The following ABR variants were observed in gnomAD, a reference collection of about 807,000 sequenced individuals.
ABR encodes ABR activator of RhoGEF and GTPase, also known as active breakpoint cluster region-related protein.
Under a neutral mutation model 107.2 loss-of-function variants are expected in ABR, and 35 were observed. The observed-to-expected ratio is 0.33, with a 90% CI of 0.25 to 0.43. The LOEUF is 0.43. Ranked by LOEUF, ABR falls within the 20% of genes least tolerant of loss-of-function variation. The pLI is 1.00. For missense variants in ABR, 815 were observed against 1,115.2 expected, an observed-to-expected ratio of 0.73 and a Z score of 3.83; for synonymous variants, 498 against 462.0, an observed-to-expected ratio of 1.08 and a Z score of -1.00.
intron 1 of ABR, among the ~76,000 whole-genome samples, chr17:1,160,281 ACC>A (rs1491221889): frequency 0.016 from 1,371 of 88,304 alleles, 26 homozygotes; most frequent in African/African-American, 0.056. Flanking sequence ...ACAAAAAAAA[ACC>A]ACACACACAC....
In ABR at chr17:1,125,098, C is replaced by T; in HGVS notation, c.246+85G>A. 8 of 1,410,444 alleles carry T rather than the reference C, an allele frequency of 5.7e-6. 1 individual carries two copies. The highest frequency in any genetic ancestry group is 4.8e-6 in the Non-Finnish European group (5 of 1,043,350). The allele number at this position is 1,410,444 out of a possible 1,614,324, so 87.4% of individuals were successfully genotyped here. A position where few individuals can be genotyped will look rare whatever the true frequency, so the allele number is the denominator to read the frequency against. ...CGTCTCCAGTCCCAATCTCTCGAGACCAACCCAAGCAGGGCCTGGCCCACG... is the reference window on the plus strand; with the variant it reads ...CGTCTCCAGTCCCAATCTCTCGAGATCAACCCAAGCAGGGCCTGGCCCACG... On this transcript the variant is annotated intron_variant, in intron 2 of 22. Coordinates refer to ENST00000302538, the MANE Select transcript of ABR (RefSeq NM_021962.5).
At chr17:1,181,182 GT>G (rs2042122657), upstream of ABR, among the ~76,000 whole-genome samples, 1 of 152,228 alleles carries the variant, frequency 6.6e-6, no homozygotes, top group Non-Finnish European at 1.5e-5. Context: ...GGGTGTGGGG[GT>G]CGGTCCTCAT....
At chr17:1,014,709 G>C (rs929079175) in intron 16 of ABR, among the ~76,000 whole-genome samples, 1 of 151,818 alleles carries the variant, frequency 6.6e-6, no homozygotes, top group Admixed American at 6.6e-5. Flanking sequence ...AGCCGGGCGC[G>C]GTGGTGGGCG....
intron 1 of ABR, among the ~76,000 whole-genome samples, chr17:1,216,435 G>A (rs879918661): frequency 4.6e-5 from 7 of 152,272 alleles, no homozygotes; most frequent in Admixed American, 6.5e-5. Context: ...CTCCTCTCAC[G>A]TCAGAAGTGG....
chr17:1,199,541 C>T (rs1473907374), intron 1 of ABR, among the ~76,000 whole-genome samples: 1 of 151,322 alleles, frequency 6.6e-6, no homozygotes, highest in African/African-American at 2.5e-5. Context: ...CTCCCCCTCC[C>T]GGGTTCAAGC....
Position 1,156,214 on chromosome 17 carries a change from G to A in ABR, c.61+23453C>T, listed in dbSNP as rs556616600. On this transcript the variant is annotated intron_variant, in intron 1 of 22. Transcript: ENST00000302538. The stretch of plus-strand genomic sequence containing the variant: ...GCTGTGGGGAAGAGCCTAGGCCTCC[G>A]GCTGCAGGGGGCTCATGAGGAGCCA... 7 of 152,400 alleles carry A rather than the reference G, an allele frequency of 4.6e-5. 1 individual carries two copies. The highest frequency in any genetic ancestry group is 6.8e-3 in the Middle Eastern group (2 of 296). 9.4% of individuals were successfully genotyped at this position (152,400 alleles called of 1,614,324 possible).
At chr17:1,160,359 CA>C (rs1317804251) in intron 1 of ABR, among the ~76,000 whole-genome samples, 1 of 151,802 alleles carries the variant, frequency 6.6e-6, no homozygotes, top group Non-Finnish European at 1.5e-5. Flanking sequence ...ATTATTTAAG[CA>C]AAGTTCATGA....
At chr17:1,106,192 C>CT (rs2038233087) in intron 2 of ABR, among the ~76,000 whole-genome samples, 1 of 151,560 alleles carries the variant, frequency 6.6e-6, no homozygotes, top group Non-Finnish European at 1.5e-5. Flanking sequence ...TTACCTCTGC[C>CT]CCCCAGGAAG....
chr17:1,027,197 C>A lies in ABR; in HGVS notation c.1792-14033G>T, dbSNP rs1021922134. Among the ~76,000 whole-genome samples the A allele has an allele frequency of 1.4e-4, 21 of 152,220 alleles. No homozygotes were observed. Among genetic ancestry groups the A allele is most frequent in the African/African-American group, 5.1e-4 (21 of 41,448 alleles). ...CCCTTGATTGGCAGGTTCTCCTCTC[C>A]CTGGTCCAGAGCCATCCAAAAGCTG... On this transcript the variant is annotated intron_variant, in intron 16 of 22. Coordinates refer to ENST00000302538, the MANE Select transcript of ABR (RefSeq NM_021962.5). The surrounding 1 kb of genome is among the most constrained non-coding windows in gnomAD (Gnocchi z 4.7).
chr17:1,220,289 TAAA>T (rs201048012), intron 1 of ABR, among the ~76,000 whole-genome samples: 6,763 of 146,306 alleles, frequency 0.046, 215 homozygotes, highest in East Asian at 0.13. Flanking sequence ...AGACTCCGTC[TAAA>T]AAAAAAAAAA....
intron 5 of ABR, among the ~76,000 whole-genome samples, chr17:1,081,061 G>A (rs1437084630): frequency 6.6e-6 from 1 of 152,142 alleles, no homozygotes; most frequent in Non-Finnish European, 1.5e-5. Flanking sequence ...TTTCTGCCTA[G>A]GCACAGAGAA....
At chr17:1,103,783 G>T (rs554208177) in intron 2 of ABR, among the ~76,000 whole-genome samples, 1 of 152,250 alleles carries the variant, frequency 6.6e-6, no homozygotes, top group East Asian at 1.9e-4. Flanking sequence ...AAAGGCGTTG[G>T]AGAGCGTACG....
intron 16 of ABR, among the ~76,000 whole-genome samples, chr17:1,013,407 C>T (rs1489543902): frequency 6.6e-6 from 1 of 152,096 alleles, no homozygotes; most frequent in Non-Finnish European, 1.5e-5. Context: ...GCAGGGCACA[C>T]CCTGTTACCC....
chr17:1,162,202 C>T (rs562296396), intron 1 of ABR, among the ~76,000 whole-genome samples: 4 of 152,362 alleles, frequency 2.6e-5, no homozygotes, highest in Non-Finnish European at 2.9e-5. Flanking sequence ...TTATCCCTTA[C>T]TCTGGCAGAG....
chr17:1,078,947 G>A lies in ABR; in HGVS notation c.700+383C>T, dbSNP rs549700689. 4.2e-5 allele frequency: 64 copies of A among 1,526,818 alleles called. No homozygotes were observed. The highest frequency in any genetic ancestry group is 1.4e-4 in the Admixed American group (7 of 50,348). The allele number at this position is 1,526,818 out of a possible 1,614,324, so 94.6% of individuals were successfully genotyped here. On this transcript the variant is annotated intron_variant, in intron 6 of 22. Coordinates refer to ENST00000302538, the MANE Select transcript of ABR (RefSeq NM_021962.5). The surrounding 1 kb of genome is among the most constrained non-coding windows in gnomAD (Gnocchi z 7.5). ...AGCAGCCCGGCCACTCAGCCACCTT[G>A]CTGATGCTGCCGCACGGACTCCAGC... is the stretch of plus-strand genomic sequence containing the variant.
At chr17:1,036,353 G>T (rs2073176016) in intron 16 of ABR, among the ~76,000 whole-genome samples, 1 of 152,174 alleles carries the variant, frequency 6.6e-6, no homozygotes, top group Non-Finnish European at 1.5e-5. Flanking sequence ...TGAGGATGGG[G>T]ACCGAGGGGA....
At chr17:1,215,920 G>T (rs1182711994) in intron 1 of ABR, among the ~76,000 whole-genome samples, 49 of 139,116 alleles carry the variant, frequency 3.5e-4, no homozygotes, top group Non-Finnish European at 6.4e-4. Context: ...TCCACTCAGG[G>T]TAAATGGATT....
intron 1 of ABR, among the ~76,000 whole-genome samples, chr17:1,135,465 GCTGA>G (rs1175328981): frequency 2.6e-5 from 4 of 151,042 alleles, no homozygotes; most frequent in African/African-American, 4.9e-5. Context: ...TGATACAGAG[GCTGA>G]CTGTTAAGTG....
At position 1,179,778 on chromosome 17, in the gene ABR, A is replaced by G; in HGVS notation, c.-51T>C. 9.5e-6 allele frequency: 7 copies of G among 737,142 alleles called. 1 individual carries two copies. The highest frequency in any genetic ancestry group is 1.5e-5 in the Non-Finnish European group (7 of 473,300). 45.7% of individuals were successfully genotyped at this position (737,142 alleles called of 1,614,324 possible). A position where few individuals can be genotyped will look rare whatever the true frequency, so the allele number is the denominator to read the frequency against. On this transcript the variant is annotated 5_prime_UTR_variant, in exon 1 of 23. Coordinates refer to ENST00000302538, the MANE Select transcript of ABR (RefSeq NM_021962.5). This position sits in a 1 kb window ranked among gnomAD's most constrained non-coding sequence, Gnocchi z 4.9. ...CGAAACCCGACCCTCATCGCGCAAC[A>G]AAGGAGGGAGAGCGGGCGGGAGCCG...
Sources: allele counts gnomAD v4.1 joint callset (sites outside exome capture counted in the v4.1 genomes callset), GRCh38; gene constraint gnomAD v4.1.1; non-coding constraint Gnocchi (gnomAD v3.1); transcripts MANE v1.5; gene names NCBI Gene and HGNC (gene_info 2026-07-23, HGNC 2026-07-21).